The following RANBP9 variants were observed in gnomAD, a reference collection of about 807,000 sequenced individuals.
The protein encoded by RANBP9 is RAN binding protein 9, also known as ran-binding protein 9.
RANBP9 carries 15 observed loss-of-function variants against 84.3 expected under a neutral mutation model. The observed-to-expected ratio is 0.18, with a 90% confidence interval of 0.12 to 0.27. The LOEUF (loss-of-function observed/expected upper bound fraction) is 0.27. RANBP9 is among the 10% of genes least tolerant of loss of function. RANBP9 has a pLI of 1.00. For missense variants in RANBP9, 809 were observed against 912.8 expected, an observed-to-expected ratio of 0.89 and a Z score of 1.46; for synonymous variants, 392 against 349.6, an observed-to-expected ratio of 1.12 and a Z score of -1.35.
Position 13,622,272 on chromosome 6 carries a change from TA to T in RANBP9, c.*89del, listed in dbSNP as rs1341414440. 3.1e-6 allele frequency: 4 copies of T among 1,300,440 alleles called. No homozygotes were observed. In the African/African-American group the frequency reaches 6.0e-5, roughly 20 times the overall value. 80.6% of individuals were successfully genotyped at this position (1,300,440 alleles called of 1,614,324 possible). On this transcript the variant is annotated 3_prime_UTR_variant, in exon 14 of 14. Coordinates refer to ENST00000011619, the MANE Select transcript of RANBP9 (RefSeq NM_005493.3). ...AAAAACCTGTCCCCAGTACATAATT[TA>T]AAAAATCTAAATTTCAAATCAGCAG...
At chr6:13,702,528 T>A (rs1561696664) in intron 1 of RANBP9, among the ~76,000 whole-genome samples, 1 of 152,244 alleles carries the variant, frequency 6.6e-6, no homozygotes, top group African/African-American at 2.4e-5. Flanking sequence ...TTAATTTATG[T>A]CGCTTCAGTT....
chr6:13,656,456 T>G (rs1234824561), intron 4 of RANBP9, among the ~76,000 whole-genome samples: 1 of 152,158 alleles, frequency 6.6e-6, no homozygotes. Flanking sequence ...AACTTTAAAT[T>G]TGAAGTGCTA....
chr6:13,648,141 G>GTTTTTTTTTTTTTTT (rs375219477), intron 5 of RANBP9, among the ~76,000 whole-genome samples: 3 of 80,646 alleles, frequency 3.7e-5, no homozygotes, highest in African/African-American at 4.8e-5. Context: ...TATATGACTG[G>GTTTTTTTTTTTTTTT]TTTTTTTTTT....
chr6:13,672,939 A>T (rs534863513), intron 2 of RANBP9, among the ~76,000 whole-genome samples: 1 of 152,178 alleles, frequency 6.6e-6, no homozygotes, highest in East Asian at 1.9e-4. Context: ...AAAAATATTC[A>T]TAATAGTAAT....
intron 2 of RANBP9, among the ~76,000 whole-genome samples, chr6:13,688,336 G>A (rs1766239981): frequency 6.6e-6 from 1 of 152,178 alleles, no homozygotes; most frequent in Admixed American, 6.5e-5. Flanking sequence ...GAAGGACAGA[G>A]AAGCTTATGT....
chr6:13,623,412 A>G (rs1445561107), intron 13 of RANBP9, among the ~76,000 whole-genome samples: 1 of 152,220 alleles, frequency 6.6e-6, no homozygotes, highest in African/African-American at 2.4e-5. Context: ...GGAAGAAAGA[A>G]GAGGAAATTT....
chr6:13,632,709 C>T, intron 11 of RANBP9, 188 bp from the exon 12 acceptor site: 1 of 586,570 alleles, frequency 1.7e-6, no homozygotes, highest in Non-Finnish European at 2.9e-6. Flanking sequence ...TTATTTAGCT[C>T]TCAAGAGTCT....
At chr6:13,686,144 G>A (rs928523765) in intron 2 of RANBP9, among the ~76,000 whole-genome samples, 1 of 114,738 alleles carries the variant, frequency 8.7e-6, no homozygotes, top group Non-Finnish European at 1.6e-5. Flanking sequence ...TCACTCTGTA[G>A]CCTAGGCTGG....
chr6:13,626,828 G>A lies in RANBP9; in HGVS notation c.1948-1064C>T, dbSNP rs577973636. Among the ~76,000 whole-genome samples, 479 of 152,250 alleles carry A rather than the reference G, an allele frequency of 3.1e-3. 5 individuals are homozygous for A. The highest frequency in any genetic ancestry group is 0.011 in the African/African-American group (458 of 41,526). On this transcript the variant is annotated intron_variant, in intron 12 of 13. Coordinates refer to ENST00000011619, the MANE Select transcript of RANBP9 (RefSeq NM_005493.3). ...ACACCCATTTTCCATCATTTCTCTA[G>A]TTATCTTACTAGTGTTATGAAAGCA... is the stretch of plus-strand genomic sequence containing the variant.
At chr6:13,657,762 ATT>A (rs1562307690) in intron 3 of RANBP9, among the ~76,000 whole-genome samples, 1 of 152,152 alleles carries the variant, frequency 6.6e-6, no homozygotes, top group Non-Finnish European at 1.5e-5. Context: ...TCATTAAGAG[ATT>A]TTTACCTTAT....
At chr6:13,694,601 G>A (rs1440864616) in intron 2 of RANBP9, among the ~76,000 whole-genome samples, 1 of 152,122 alleles carries the variant, frequency 6.6e-6, no homozygotes, top group Non-Finnish European at 1.5e-5. Flanking sequence ...TTTCCTCAGT[G>A]TTTCAGTTAC....
intron 2 of RANBP9, among the ~76,000 whole-genome samples, chr6:13,688,329 G>A (rs1766239839): frequency 1.3e-5 from 2 of 152,102 alleles, no homozygotes; most frequent in African/African-American, 4.8e-5. Context: ...AGCAACTGAA[G>A]GACAGAGAAG....
chr6:13,693,313 T>C (rs1256168830), intron 2 of RANBP9, among the ~76,000 whole-genome samples: 1 of 152,142 alleles, frequency 6.6e-6, no homozygotes. Context: ...TTCTTCAACA[T>C]AATTAGTCAT....
intron 2 of RANBP9, among the ~76,000 whole-genome samples, chr6:13,674,952 G>A (rs1765856081): frequency 6.6e-6 from 1 of 152,192 alleles, no homozygotes; most frequent in Non-Finnish European, 1.5e-5. Context: ...GTCTCAAGTA[G>A]TAACTGTGGC....
rs35401168 is a variant in RANBP9, at chr6:13,627,630, C to CAA, written c.1948-1868_1948-1867dup. 9.3e-3 allele frequency among the ~76,000 whole-genome samples: 614 copies of CAA among 66,158 alleles called. 9 individuals carry two copies. The highest frequency in any genetic ancestry group is 0.02 in the African/African-American group (333 of 16,954). The allele number at this position is 66,158 out of a possible 152,430, so 43.4% of individuals were successfully genotyped here. A position where few individuals can be genotyped will look rare whatever the true frequency, so the allele number is the denominator to read the frequency against. On this transcript the variant is annotated intron_variant, in intron 12 of 13. Transcript: ENST00000011619. The stretch of plus-strand genomic sequence containing the variant: ...GGACGACAGAGAGAGACTCCATCTC[C>CAA]AAAAAAAAAAAAAAAAAAAAAAAAT...
rs374538732 is a variant in RANBP9 at position 13,689,004 on chromosome 6, A to AAAAAAAAAAAAAG, written c.683+7780_683+7781insCTTTTTTTTTTTT. Reference sequence around the variant, plus strand: ...CCACAAAAAAAAAAAAAAAAAAAAAATGCTGGGCATGGTGACGCACACCCA... The same window carrying AAAAAAAAAAAAAG: ...CCACAAAAAAAAAAAAAAAAAAAAAAAAAAAAAAAAAAGTGCTGGGCATGGTGACGCACACCCA... On this transcript the variant is annotated intron_variant, in intron 2 of 13. Transcript: ENST00000011619. Among the ~76,000 whole-genome samples, 269 of 108,938 alleles carry AAAAAAAAAAAAAG rather than the reference A, an allele frequency of 2.5e-3. 37 individuals carry two copies. The highest frequency in any genetic ancestry group is 5.2e-3 in the African/African-American group (143 of 27,606). The allele number at this position is 108,938 out of a possible 152,430, so 71.5% of individuals were successfully genotyped here. A position where few individuals can be genotyped will look rare whatever the true frequency, so the allele number is the denominator to read the frequency against.
intron 1 of RANBP9, among the ~76,000 whole-genome samples, chr6:13,707,709 T>G (rs1758161747): frequency 6.6e-6 from 1 of 152,208 alleles, no homozygotes; most frequent in Non-Finnish European, 1.5e-5. Context: ...GATCCACTAG[T>G]GTGTGTATAT....
In RANBP9 at chr6:13,708,715, C is replaced by A. The variant is rs1449703806; in HGVS notation, c.571+2220G>T. On this transcript the variant is annotated intron_variant, in intron 1 of 13. Coordinates refer to ENST00000011619, the MANE Select transcript of RANBP9 (RefSeq NM_005493.3). The stretch of plus-strand genomic sequence containing the variant: ...AAAGTATTATCTACTCTCTATGATA[C>A]TTCTCCTTTGCTACTGCTACTGCTA... Among the ~76,000 whole-genome samples, 5 of 152,074 alleles carry A rather than the reference C, an allele frequency of 3.3e-5. No homozygotes were observed. The South Asian group carries it at 1.0e-3, about 31-fold the overall frequency.
At chr6:13,667,304 T>A (rs995381625) in intron 2 of RANBP9, among the ~76,000 whole-genome samples, 2 of 152,208 alleles carry the variant, frequency 1.3e-5, no homozygotes, top group Non-Finnish European at 2.9e-5. Context: ...CTGTGTTCTT[T>A]TTAATTCTTA....
Sources: gnomAD v4.1 joint callset for allele counts (sites outside exome capture counted in the v4.1 genomes callset) on GRCh38, gnomAD v4.1.1 for gene constraint, MANE v1.5 for transcripts, NCBI Gene and HGNC (gene_info 2026-07-23, HGNC 2026-07-21) for gene names.